ADAM19: variants seen among roughly 807,000 people sequenced by gnomAD.
ADAM19 encodes ADAM metallopeptidase domain 19, also known as disintegrin and metalloproteinase domain-containing protein 19.
ADAM19 carries 65 observed loss-of-function variants against 114.7 expected under a neutral mutation model. The observed-to-expected ratio is 0.57, with a 90% CI of 0.46 to 0.70. ADAM19 has a LOEUF of 0.70. Ranked by LOEUF, ADAM19 falls within the 30% of genes least tolerant of loss-of-function variation. The probability of loss-of-function intolerance (pLI) is 0.00; values close to 1 mark genes in which losing one functional copy is unlikely to be tolerated. For missense variants in ADAM19, 1,063 were observed against 1,204.7 expected, an observed-to-expected ratio of 0.88 and a Z score of 1.74; for synonymous variants, 466 against 460.5, an observed-to-expected ratio of 1.01 and a Z score of -0.15.
chr5:157,489,177 G>A lies in ADAM19; in HGVS notation c.2250C>T (p.Phe750=). 1 of 1,613,614 alleles carries A rather than the reference G, an allele frequency of 6.2e-7. No individual in the cohort carries two copies. Among genetic ancestry groups the A allele is most frequent in the Non-Finnish European group, 8.5e-7 (1 of 1,179,532 alleles). The change falls in exon 20 of 23, where the codon TTC becomes TTT. Residue 750 remains phenylalanine, a synonymous_variant. Coordinates refer to ENST00000257527, the MANE Select transcript of ADAM19 (RefSeq NM_033274.5). ...CAGTCCCGCTGTTCTGAGAAACCCT[G>A]AAGGGACAACTAGAAACAAGAAATG... ...SKLRQQFSCP[F]RVSQNSGTGH... is the part of the protein sequence containing the mutation.
intron 4 of ADAM19, among the ~76,000 whole-genome samples, chr5:157,537,424 T>C (rs991340393): frequency 5.3e-5 from 8 of 152,164 alleles, no homozygotes; most frequent in Admixed American, 1.3e-4. Context: ...AATATGAATA[T>C]AGAAGCAAAA....
intron 14 of ADAM19, among the ~76,000 whole-genome samples, chr5:157,495,779 G>A (rs887719812): frequency 4.6e-5 from 7 of 151,764 alleles, no homozygotes; most frequent in Non-Finnish European, 7.4e-5. Flanking sequence ...AATTACAGGC[G>A]TCCACCACCA....
chr5:157,509,596 A>T lies in ADAM19; in HGVS notation c.739-129T>A, dbSNP rs6556063. 2,997 of 766,266 alleles carry T rather than the reference A, an allele frequency of 3.9e-3. 26 individuals carry two copies. The highest frequency in any genetic ancestry group is 0.03 in the African/African-American group (1,644 of 54,816). 47.5% of individuals were successfully genotyped at this position (766,266 alleles called of 1,614,324 possible). Reference sequence around the variant, plus strand: ...AAAACTAAAAAATAAAAATAAATTTAAAAAAAAAGCTCCTTCCTAGCCTAA... The same window carrying T: ...AAAACTAAAAAATAAAAATAAATTTTAAAAAAAAGCTCCTTCCTAGCCTAA... On this transcript the variant is annotated intron_variant, in intron 8 of 22. Coordinates refer to ENST00000257527, the MANE Select transcript of ADAM19 (RefSeq NM_033274.5).
At chr5:157,506,624 T>C (rs1404695694) in intron 10 of ADAM19, among the ~76,000 whole-genome samples, 2 of 152,234 alleles carry the variant, frequency 1.3e-5, no homozygotes, top group Non-Finnish European at 2.9e-5. Flanking sequence ...TCAAAACAAA[T>C]AGTCTCATGA....
At position 157,480,404 on chromosome 5, in the gene ADAM19, G is replaced by A; in HGVS notation, c.*545C>T. 1 of 989,122 alleles carries A rather than the reference G, an allele frequency of 1.0e-6. No individual in the cohort carries two copies. Among genetic ancestry groups the A allele is most frequent in the Non-Finnish European group, 1.2e-6 (1 of 832,410 alleles). The allele number at this position is 989,122 out of a possible 1,614,324, so 61.3% of individuals were successfully genotyped here. On this transcript the variant is annotated 3_prime_UTR_variant, in exon 23 of 23. Transcript: ENST00000257527. Reference sequence around the variant, plus strand: ...GTCACATGCAGCCATACAGCCAGAAGCCGTTCCCTCAACCAAGCCCTGGGC... The same window carrying A: ...GTCACATGCAGCCATACAGCCAGAAACCGTTCCCTCAACCAAGCCCTGGGC...
chr5:157,514,642 T>A (rs999471811), intron 7 of ADAM19, among the ~76,000 whole-genome samples: 1 of 152,176 alleles, frequency 6.6e-6, no homozygotes, highest in Non-Finnish European at 1.5e-5. Flanking sequence ...CAGACATTTC[T>A]AACCAAGCAC....
At chr5:157,540,956 G>A (rs1025308550) in intron 3 of ADAM19, among the ~76,000 whole-genome samples, 4 of 152,154 alleles carry the variant, frequency 2.6e-5, no homozygotes, top group African/African-American at 7.2e-5. Flanking sequence ...CTAGAAACTA[G>A]TTAAAAATGC....
chr5:157,562,188 T>C (rs1757527927), intron 3 of ADAM19, among the ~76,000 whole-genome samples: 1 of 152,144 alleles, frequency 6.6e-6, no homozygotes, highest in Non-Finnish European at 1.5e-5. Flanking sequence ...CTAACACATG[T>C]TCAAAACAAA....
At chr5:157,500,106 T>C (rs1755513079) in intron 12 of ADAM19, among the ~76,000 whole-genome samples, 1 of 152,162 alleles carries the variant, frequency 6.6e-6, no homozygotes, top group South Asian at 2.1e-4. Context: ...AAAAATCATG[T>C]GACAGCTTCG....
At chr5:157,495,047 T>C (rs1172615920) in intron 14 of ADAM19, among the ~76,000 whole-genome samples, 1 of 152,128 alleles carries the variant, frequency 6.6e-6, no homozygotes, top group Non-Finnish European at 1.5e-5. Context: ...TGTAATACAG[T>C]GGCACAATCA....
chr5:157,477,850 C>A lies in ADAM19; in HGVS notation c.*3099G>T. The A allele has an allele frequency of 1.7e-6, 1 of 602,818 alleles. No individual in the cohort carries two copies. 37.3% of individuals were successfully genotyped at this position (602,818 alleles called of 1,614,324 possible). A position where few individuals can be genotyped will look rare whatever the true frequency, so the allele number is the denominator to read the frequency against. On this transcript the variant is annotated 3_prime_UTR_variant, in exon 23 of 23. Coordinates refer to ENST00000257527, the MANE Select transcript of ADAM19 (RefSeq NM_033274.5). ...TTGCTTCAGGGGGAAGGGACTATGG[C>A]AATACAAAAAAACACTCCAACCAGA...
In ADAM19 at chr5:157,495,245, C is replaced by A. The variant is rs569172969; in HGVS notation, c.1595-450G>T. On this transcript the variant is annotated intron_variant, in intron 14 of 22. Transcript: ENST00000257527. The stretch of plus-strand genomic sequence containing the variant: ...CTTGAAGTCCTGACCTCATGATCCC[C>A]CCGCCTCGGCCTCCCAAAGTGCTGG... Among the ~76,000 whole-genome samples, 121 of 152,192 alleles carry A rather than the reference C, an allele frequency of 8.0e-4. 1 individual carries two copies. Among genetic ancestry groups the A allele is most frequent in the African/African-American group, 2.8e-3 (117 of 41,526 alleles).
At chr5:157,488,089 C>A (rs778836867) in intron 21 of ADAM19, among the ~76,000 whole-genome samples, 176 bp downstream of exon 21, 5 of 152,196 alleles carry the variant, frequency 3.3e-5, no homozygotes, top group Admixed American at 1.3e-4. Flanking sequence ...CTTAGAGAGT[C>A]TATTTCCCCA....
chr5:157,555,419 G>A (rs574856725), intron 3 of ADAM19, among the ~76,000 whole-genome samples: 5 of 152,272 alleles, frequency 3.3e-5, no homozygotes, highest in South Asian at 2.1e-4. Flanking sequence ...AACATGACCC[G>A]GAACTTGGGT....
intron 5 of ADAM19, among the ~76,000 whole-genome samples, chr5:157,523,121 TG>T (rs1407554268): frequency 1.3e-5 from 2 of 152,156 alleles, no homozygotes; most frequent in Non-Finnish European, 1.5e-5. Context: ...AAGGGCAGTG[TG>T]GGCTCCAGGC....
intron 1 of ADAM19, chr5:157,572,415 G>A (rs764362240): frequency 4.9e-5 from 17 of 349,068 alleles, no homozygotes; most frequent in East Asian, 4.7e-4. Flanking sequence ...ACTGGTCTCC[G>A]TAGTGTTCCT....
chr5:157,546,530 G>C (rs995408694), intron 3 of ADAM19, among the ~76,000 whole-genome samples: 1 of 152,152 alleles, frequency 6.6e-6, no homozygotes, highest in Admixed American at 6.5e-5. Context: ...AGAATACAAA[G>C]AGCCTGACAT....
rs144912196 is a variant in ADAM19, at chr5:157,513,479, G to A, written c.693C>T (p.Asp231=). The change falls in exon 8 of 23, where the codon GAC becomes GAT. Residue 231 remains aspartate, a synonymous_variant. Coordinates refer to ENST00000257527, the MANE Select transcript of ADAM19 (RefSeq NM_033274.5). Reference sequence around the variant, plus strand: ...TCTCTATGAGCTTGTGTTTGGTGGCGTCCTGGTCTCGTCGATTCTTCTGAA... The same window carrying A: ...TCTCTATGAGCTTGTGTTTGGTGGCATCCTGGTCTCGTCGATTCTTCTGAA... ...LEFQKNRRDQ[D]ATKHKLIEIA... is the part of the protein sequence containing the mutation. 154 of 1,614,052 alleles carry A rather than the reference G, an allele frequency of 9.5e-5. No homozygotes were observed. The highest frequency in any genetic ancestry group is 5.0e-4 in the Middle Eastern group (3 of 6,056).
intron 21 of ADAM19, 77 bp from the exon 22 acceptor site, chr5:157,482,020 T>TA: frequency 8.5e-7 from 1 of 1,172,302 alleles, no homozygotes; most frequent in Non-Finnish European, 1.2e-6. Context: ...TCTTACAGGT[T>TA]AAAATCAGAT....
Sources: allele counts gnomAD v4.1 joint callset (sites outside exome capture counted in the v4.1 genomes callset), GRCh38; gene constraint gnomAD v4.1.1; transcripts MANE v1.5; gene names NCBI Gene and HGNC (gene_info 2026-07-23, HGNC 2026-07-21).